CPQ: variants seen among roughly 807,000 people sequenced by gnomAD.
CPQ encodes Ser-Met dipeptidase.
CPQ carries 37 observed loss-of-function variants against 45.7 expected under a neutral mutation model. That is an observed-to-expected ratio of 0.81 (90% confidence interval 0.62 to 1.07). CPQ has a LOEUF of 1.07. CPQ is among the 50% of genes least tolerant of loss of function. The probability of loss-of-function intolerance (pLI) is 0.00; values close to 1 mark genes in which losing one functional copy is unlikely to be tolerated. For synonymous variants in CPQ, 186 were observed against 205.8 expected (o/e 0.90, Z 0.82); for missense variants, 537 against 572.9 (o/e 0.94, Z 0.64).
At chr8:96,708,299 A>G (rs1809559930) in intron 1 of CPQ, among the ~76,000 whole-genome samples, 1 of 152,108 alleles carries the variant, frequency 6.6e-6, no homozygotes, top group Admixed American at 6.6e-5. Flanking sequence ...CTTTTGCTAT[A>G]GAACCTAATA....
chr8:96,901,291 A>ATTG (rs1812509939), intron 4 of CPQ, among the ~76,000 whole-genome samples: 1 of 152,142 alleles, frequency 6.6e-6, no homozygotes, highest in Non-Finnish European at 1.5e-5. Flanking sequence ...GTTGGGCTGC[A>ATTG]TTGCAACTTG....
chr8:96,804,976 G>A (rs1346768526), intron 2 of CPQ, among the ~76,000 whole-genome samples: 1 of 152,080 alleles, frequency 6.6e-6, no homozygotes, highest in Non-Finnish European at 1.5e-5. Context: ...TTTGCCTTCA[G>A]ACTGTATTTA....
chr8:96,755,681 A>G (rs1810318295), intron 1 of CPQ, among the ~76,000 whole-genome samples: 1 of 151,904 alleles, frequency 6.6e-6, no homozygotes, highest in South Asian at 2.1e-4. Flanking sequence ...ATTTTTATTT[A>G]TTGTGGTTTA....
At chr8:96,845,638 A>C (rs1811676219) in intron 3 of CPQ, among the ~76,000 whole-genome samples, 2 of 152,090 alleles carry the variant, frequency 1.3e-5, no homozygotes, top group Non-Finnish European at 2.9e-5. Flanking sequence ...ACAAGGCACA[A>C]TGCCTGTCTA....
intron 4 of CPQ, among the ~76,000 whole-genome samples, chr8:96,885,721 C>CGTG (rs1812296269): frequency 6.6e-6 from 1 of 152,168 alleles, no homozygotes; most frequent in South Asian, 2.1e-4. Context: ...ATAGGCCAGG[C>CGTG]GTGGTGGCTC....
intron 1 of CPQ, among the ~76,000 whole-genome samples, chr8:96,692,438 C>A (rs1276543862): frequency 6.6e-6 from 1 of 151,242 alleles, no homozygotes; most frequent in African/African-American, 2.4e-5. Context: ...TTGGTGACTG[C>A]AGGGTTGCTT....
At chr8:96,867,601 C>T (rs181305145) in intron 3 of CPQ, among the ~76,000 whole-genome samples, 168 of 152,020 alleles carry the variant, frequency 1.1e-3, no homozygotes, top group Middle Eastern at 6.8e-3. Context: ...TAACATTCAT[C>T]CATGATCCCA....
At chr8:96,818,048 T>C (rs1811252647) in intron 2 of CPQ, among the ~76,000 whole-genome samples, 1 of 152,006 alleles carries the variant, frequency 6.6e-6, no homozygotes, top group South Asian at 2.1e-4. Context: ...CATTTCTTGT[T>C]TTTGATTTAA....
chr8:97,074,076 G>T (rs1445357570), intron 7 of CPQ, among the ~76,000 whole-genome samples: 3 of 152,208 alleles, frequency 2.0e-5, no homozygotes, highest in Non-Finnish European at 1.5e-5. Context: ...TAGGAGAAGA[G>T]CAAATTGTTA....
At position 97,143,176 on chromosome 8, in the gene CPQ, G is replaced by C. The variant is rs755785565; in HGVS notation, c.1412G>C (p.Arg471Thr). 6.2e-7 allele frequency: 1 copy of C among 1,613,790 alleles called. No homozygotes were observed. Among genetic ancestry groups the C allele is most frequent in the East Asian group, 2.2e-5 (1 of 44,864 alleles). The change falls in exon 8 of 8, where the codon AGG (arginine) becomes ACG (threonine). Residue 471 changes from arginine to threonine, a missense_variant. Physicochemically the swap from Arg to Thr is moderately conservative, Grantham distance 71. Transcript: ENST00000220763. ...VVADMEEMLPRS is the reference protein window; with the variant it reads ...VVADMEEMLPTS ...GCAGACATGGAAGAAATGCTGCCTA[G>C]GTCCTAGAAACAGTAAGAAAGAAAC... is the stretch of plus-strand genomic sequence containing the variant.
chr8:97,082,316 A>G (rs1404541213), intron 7 of CPQ, among the ~76,000 whole-genome samples: 2 of 152,146 alleles, frequency 1.3e-5, no homozygotes, highest in Non-Finnish European at 1.5e-5. Context: ...CCTCTTTAGC[A>G]CAGAACAGGC....
intron 7 of CPQ, among the ~76,000 whole-genome samples, chr8:97,084,020 T>C (rs781056214): frequency 1.3e-5 from 2 of 152,140 alleles, no homozygotes; most frequent in Non-Finnish European, 2.9e-5. Context: ...TTTCCAGAAG[T>C]GAAAATTGCT....
At chr8:96,837,712 A>G (rs1186613186) in intron 3 of CPQ, among the ~76,000 whole-genome samples, 2 of 152,088 alleles carry the variant, frequency 1.3e-5, no homozygotes, top group East Asian at 3.9e-4. Context: ...CTCTAGGCCT[A>G]TATATTCACC....
chr8:96,804,366 C>A (rs1328084173), intron 2 of CPQ, among the ~76,000 whole-genome samples: 1 of 152,052 alleles, frequency 6.6e-6, no homozygotes, highest in Non-Finnish European at 1.5e-5. Context: ...AATCTGGTAT[C>A]TTTTAGTAGA....
rs544402559 is a variant in CPQ at position 96,784,446 on chromosome 8, G to A, written c.-34-418G>A. Reference sequence around the variant, plus strand: ...ATCAAAAACAGATGACAGCTGAGAAGGCCTCAATGGAGGAGTCTGACAGGC... The same window carrying A: ...ATCAAAAACAGATGACAGCTGAGAAAGCCTCAATGGAGGAGTCTGACAGGC... On this transcript the variant is annotated intron_variant, in intron 1 of 7. Transcript: ENST00000220763. 1.4e-3 allele frequency among the ~76,000 whole-genome samples: 218 copies of A among 151,916 alleles called. 4 individuals are homozygous for A. Among genetic ancestry groups the A allele is most frequent in the Admixed American group, 0.011 (169 of 15,244 alleles).
At chr8:96,882,289 G>A (rs1738858440) in intron 4 of CPQ, among the ~76,000 whole-genome samples, 2 of 152,194 alleles carry the variant, frequency 1.3e-5, no homozygotes, top group African/African-American at 4.8e-5. Flanking sequence ...GTAGAGAAAC[G>A]GTGGTTTCAA....
intron 5 of CPQ, among the ~76,000 whole-genome samples, chr8:96,985,002 T>TATCA (rs1255303945): frequency 6.6e-6 from 1 of 152,226 alleles, no homozygotes; most frequent in Non-Finnish European, 1.5e-5. Context: ...AGTAATAAAC[T>TATCA]ATCAGTTTTA....
intron 1 of CPQ, among the ~76,000 whole-genome samples, chr8:96,655,232 C>CA (rs1815625186): frequency 6.6e-6 from 1 of 152,042 alleles, no homozygotes; most frequent in Non-Finnish European, 1.5e-5. Flanking sequence ...GATTGTGTCA[C>CA]ATAATTCTTG....
chr8:96,765,277 C>T (rs2130794564), intron 1 of CPQ, among the ~76,000 whole-genome samples: 1 of 152,270 alleles, frequency 6.6e-6, no homozygotes, highest in African/African-American at 2.4e-5. Flanking sequence ...AGCAGGTTTG[C>T]AGGATTCTAT....
Sources: gnomAD v4.1 joint callset for allele counts (sites outside exome capture counted in the v4.1 genomes callset) on GRCh38, gnomAD v4.1.1 for gene constraint, MANE v1.5 for transcripts, NCBI Gene and HGNC (gene_info 2026-07-23, HGNC 2026-07-21) for gene names.